NMD3: variants seen among roughly 807,000 people sequenced by gnomAD.
The protein encoded by NMD3 is 60S ribosomal export protein NMD3.
A neutral mutation model predicts 73.1 loss-of-function variants in NMD3; 47 were observed. The observed-to-expected ratio is 0.64, with a 90% confidence interval of 0.51 to 0.82. NMD3 has a LOEUF of 0.82. Among genes scored for constraint, NMD3 ranks in the 40% least tolerant of loss-of-function variants. NMD3 has a pLI of 0.00. For synonymous variants in NMD3, 210 were observed against 194.5 expected (o/e 1.08, Z -0.66); for missense variants, 554 against 612.5 (o/e 0.90, Z 1.01).
At chr3:161,233,365 A>C in intron 4 of NMD3, 34 bp from the exon 5 acceptor site, 1 of 1,500,146 alleles carries the variant, frequency 6.7e-7, no homozygotes, top group Non-Finnish European at 9.2e-7. Flanking sequence ...CTAGGTGAGA[A>C]CTTACGTTTC....
At chr3:161,226,456 AAG>A (rs914017201) in intron 3 of NMD3, among the ~76,000 whole-genome samples, 1 of 152,140 alleles carries the variant, frequency 6.6e-6, no homozygotes, top group Non-Finnish European at 1.5e-5. Context: ...CAAAAGAAAA[AAG>A]GAAAAAAAAA....
In NMD3 at chr3:161,250,992, C is replaced by A; in HGVS notation, c.*82C>A. On this transcript the variant is annotated 3_prime_UTR_variant, in exon 16 of 16. Transcript: ENST00000351193. ...TAAGTGTCTCTACTATCTTTGCCTC[C>A]AGATTTCAAGAGGAGAAATTTAGTT... 8.7e-7 allele frequency: 1 copy of A among 1,152,544 alleles called. No homozygotes were observed. The highest frequency in any genetic ancestry group is 1.2e-6 in the Non-Finnish European group (1 of 816,582). The allele number at this position is 1,152,544 out of a possible 1,614,324, so 71.4% of individuals were successfully genotyped here.
At chr3:161,237,124 C>T (rs1446976939) in intron 7 of NMD3, among the ~76,000 whole-genome samples, 1 of 152,044 alleles carries the variant, frequency 6.6e-6, no homozygotes, top group Non-Finnish European at 1.5e-5. Flanking sequence ...CTATTCCTTT[C>T]TTGATTTCTA....
intron 9 of NMD3, among the ~76,000 whole-genome samples, chr3:161,240,026 G>A (rs1736908143): frequency 6.6e-6 from 1 of 152,068 alleles, no homozygotes; most frequent in African/African-American, 2.4e-5. Flanking sequence ...AGGTGTGAGG[G>A]CATATTTAGG....
intron 2 of NMD3, 109 bp from the exon 3 acceptor site, chr3:161,224,821 C>A: frequency 9.2e-7 from 1 of 1,087,186 alleles, no homozygotes; most frequent in Non-Finnish European, 1.3e-6. Flanking sequence ...TTGAAAAGGG[C>A]AAAGATGCTG....
rs893071389 is a variant in NMD3 at position 161,250,244 on chromosome 3, G to A, written c.1311-12G>A. The A allele has an allele frequency of 7.1e-7, 1 of 1,417,932 alleles. No homozygotes were observed. The highest frequency in any genetic ancestry group is 9.9e-7 in the Non-Finnish European group (1 of 1,006,384). The allele number at this position is 1,417,932 out of a possible 1,614,324, so 87.8% of individuals were successfully genotyped here. On this transcript the variant is annotated splice_polypyrimidine_tract_variant and intron_variant, in intron 14 of 15. Coordinates refer to ENST00000351193, the MANE Select transcript of NMD3 (RefSeq NM_015938.5). Reference sequence around the variant, plus strand: ...ATTTTTGGTGATGAAATATTTAAATGTTTATTTAAAGGCAATACCAAGATT... The same window carrying A: ...ATTTTTGGTGATGAAATATTTAAATATTTATTTAAAGGCAATACCAAGATT...
At chr3:161,237,664 C>T (rs1039800778) in intron 7 of NMD3, among the ~76,000 whole-genome samples, 5 of 151,534 alleles carry the variant, frequency 3.3e-5, no homozygotes, top group Admixed American at 2.6e-4. Context: ...CTCAGCCTCC[C>T]AAGTAGCTGA....
intron 4 of NMD3, among the ~76,000 whole-genome samples, chr3:161,230,299 T>C (rs1736483542): frequency 6.6e-6 from 1 of 152,018 alleles, no homozygotes; most frequent in Non-Finnish European, 1.5e-5. Flanking sequence ...ATCTCTCTCT[T>C]TCTCTCTCTT....
chr3:161,235,002 C>T (rs1365863629), intron 6 of NMD3, 120 bp from the exon 7 acceptor site: 9 of 944,632 alleles, frequency 9.5e-6, no homozygotes, highest in Non-Finnish European at 1.5e-5. Context: ...TTTAGATAAT[C>T]TTTAAAGATT....
intron 5 of NMD3, among the ~76,000 whole-genome samples, chr3:161,233,696 T>C (rs1255681994): frequency 6.6e-6 from 1 of 152,220 alleles, no homozygotes; most frequent in Non-Finnish European, 1.5e-5. Context: ...AGAGTTATTT[T>C]TATTAGGAAA....
chr3:161,241,442 A>C (rs1269154836), intron 10 of NMD3, among the ~76,000 whole-genome samples: 2 of 120,630 alleles, frequency 1.7e-5, no homozygotes, highest in South Asian at 5.2e-4. Flanking sequence ...TTTTTTTGAG[A>C]TGGAGTCTGG....
chr3:161,246,680 T>A (rs1317772038), intron 12 of NMD3, among the ~76,000 whole-genome samples: 1 of 152,190 alleles, frequency 6.6e-6, no homozygotes, highest in Non-Finnish European at 1.5e-5. Context: ...TAAGATTTTG[T>A]TAATTGAGCC....
intron 10 of NMD3, among the ~76,000 whole-genome samples, chr3:161,242,296 A>G (rs2108094664): frequency 6.6e-6 from 1 of 152,204 alleles, no homozygotes; most frequent in Non-Finnish European, 1.5e-5. Flanking sequence ...ACTATTTAAG[A>G]TATGTTTGAC....
intron 5 of NMD3, 58 bp downstream of exon 5, chr3:161,233,537 C>A: frequency 2.9e-6 from 3 of 1,023,562 alleles, no homozygotes; most frequent in South Asian, 1.5e-5. Flanking sequence ...AAATGAAGAC[C>A]CAGTGATAAG....
At chr3:161,248,118 T>C (rs533906682) in intron 13 of NMD3, among the ~76,000 whole-genome samples, 1 of 152,184 alleles carries the variant, frequency 6.6e-6, no homozygotes, top group East Asian at 1.9e-4. Flanking sequence ...GTGGGGTAAA[T>C]CCAAGATTTA....
At position 161,241,160 on chromosome 3, in the gene NMD3, C is replaced by T; in HGVS notation, c.868C>T (p.Gln290Ter). 2 of 1,565,324 alleles carry T rather than the reference C, an allele frequency of 1.3e-6. No homozygotes were observed. Among genetic ancestry groups the T allele is most frequent in the African/African-American group, 1.4e-5 (1 of 73,958 alleles). ...AIHLIDPNTL[Q>*]VADIDGSTFW... ...TCACCTCATTGATCCAAACACCCTA[C>T]AAGGTAAATTCTGGAAATGATTTGC... The change falls in exon 10 of 16, where the codon CAA becomes TAA. Residue 290 changes from glutamine (Q) to a stop codon, truncating the protein, a stop_gained. Coordinates refer to ENST00000351193, the MANE Select transcript of NMD3 (RefSeq NM_015938.5). LOFTEE classifies it high-confidence loss of function.
intron 5 of NMD3, among the ~76,000 whole-genome samples, chr3:161,234,486 A>C (rs13319771): frequency 0.049 from 7,386 of 151,086 alleles, 474 homozygotes; most frequent in African/African-American, 0.14. Context: ...TATTCTCACA[A>C]CCACTTCAGC....
intron 4 of NMD3, among the ~76,000 whole-genome samples, chr3:161,232,366 A>C (rs1170676135): frequency 6.6e-6 from 1 of 151,646 alleles, no homozygotes; most frequent in Non-Finnish European, 1.5e-5. Flanking sequence ...TCTGCTGCTG[A>C]TACCTCTCAA....
intron 12 of NMD3, among the ~76,000 whole-genome samples, chr3:161,246,841 C>T (rs549429900): frequency 4.6e-5 from 7 of 152,008 alleles, no homozygotes; most frequent in Non-Finnish European, 1.0e-4. Flanking sequence ...TCAGTTCTTT[C>T]TGAATCAGAG....
Sources: gnomAD v4.1 joint callset for allele counts (sites outside exome capture counted in the v4.1 genomes callset) on GRCh38, gnomAD v4.1.1 for gene constraint, MANE v1.5 for transcripts, NCBI Gene and HGNC (gene_info 2026-07-23, HGNC 2026-07-21) for gene names.